The following SLC30A9 variants were observed in gnomAD, a reference collection of about 807,000 sequenced individuals.
SLC30A9 encodes proton-coupled zinc antiporter SLC30A9, mitochondrial.
In SLC30A9, 58 loss-of-function variants were observed where a neutral mutation model predicts 87.5. The observed-to-expected ratio is 0.66, with a 90% CI of 0.54 to 0.82. The LOEUF is 0.82. SLC30A9 is among the 40% of genes least tolerant of loss of function. The pLI, the probability that SLC30A9 is intolerant of heterozygous loss-of-function variation, is 0.00. For missense variants in SLC30A9, 557 were observed against 679.1 expected, an observed-to-expected ratio of 0.82 and a Z score of 2.00; for synonymous variants, 234 against 233.0, an observed-to-expected ratio of 1.00 and a Z score of -0.04.
Position 42,021,917 on chromosome 4 carries a change from A to ATTTTT in SLC30A9, c.435-896_435-892dup, listed in dbSNP as rs1180421350. On this transcript the variant is annotated intron_variant, in intron 4 of 17. Transcript: ENST00000264451. ...GGCTGTGCGCCACCACGCCTGGCTA[A>ATTTTT]TTTTTTTTTTTTTTTTTTTTTTTTT... Among the ~76,000 whole-genome samples the ATTTTT allele has an allele frequency of 3.8e-4, 15 of 39,940 alleles. 3 individuals carry two copies. Among genetic ancestry groups the ATTTTT allele is most frequent in the Non-Finnish European group, 5.1e-4 (9 of 17,552 alleles). 26.2% of individuals were successfully genotyped at this position (39,940 alleles called of 152,430 possible). A position where few individuals can be genotyped will look rare whatever the true frequency, so the allele number is the denominator to read the frequency against.
chr4:42,085,010 T>G (rs1407288648), intron 17 of SLC30A9, among the ~76,000 whole-genome samples: 1 of 152,250 alleles, frequency 6.6e-6, no homozygotes, highest in Non-Finnish European at 1.5e-5. Context: ...TGAAGTTCCT[T>G]AAGCTAGCAT....
chr4:41,996,120 G>A (rs1465630521), intron 1 of SLC30A9, among the ~76,000 whole-genome samples: 1 of 151,974 alleles, frequency 6.6e-6, no homozygotes, highest in African/African-American at 2.4e-5. Context: ...TTTTGAGATG[G>A]AGTTTTGCTC....
intron 8 of SLC30A9, among the ~76,000 whole-genome samples, chr4:42,046,187 C>G (rs1270617417): frequency 6.6e-6 from 1 of 152,176 alleles, no homozygotes; most frequent in African/African-American, 2.4e-5. Context: ...GACAAGGATG[C>G]TGTCTCTCAC....
chr4:41,992,174 CCT>C (rs1449897261), intron 1 of SLC30A9, among the ~76,000 whole-genome samples: 1 of 151,728 alleles, frequency 6.6e-6, no homozygotes, highest in Non-Finnish European at 1.5e-5. Flanking sequence ...GGCAAAACTG[CCT>C]CTCTACAAAA....
chr4:42,050,428 G>A (rs1367285004), intron 9 of SLC30A9, among the ~76,000 whole-genome samples: 1 of 152,146 alleles, frequency 6.6e-6, no homozygotes, highest in Non-Finnish European at 1.5e-5. Context: ...GCTTATCGAG[G>A]AAAGTTGAAA....
intron 16 of SLC30A9, 113 bp downstream of exon 16, chr4:42,075,899 T>G (rs890895399): frequency 3.0e-6 from 3 of 1,000,804 alleles, no homozygotes; most frequent in Non-Finnish European, 4.3e-6. Flanking sequence ...TCTCAACTTC[T>G]TAGGTTCCAA....
At chr4:42,016,115 G>A (rs1190081681) in intron 2 of SLC30A9, among the ~76,000 whole-genome samples, 1 of 152,076 alleles carries the variant, frequency 6.6e-6, no homozygotes, top group African/African-American at 2.4e-5. Context: ...ATAAGATGAA[G>A]ATAATAGTAT....
At chr4:42,030,503 G>A (rs945916871) in intron 6 of SLC30A9, among the ~76,000 whole-genome samples, 2 of 150,818 alleles carry the variant, frequency 1.3e-5, no homozygotes, top group African/African-American at 4.9e-5. Flanking sequence ...ATGTGTTATC[G>A]TATCTGTTTT....
chr4:42,053,729 T>C (rs886571381), intron 9 of SLC30A9, among the ~76,000 whole-genome samples: 3 of 110,016 alleles, frequency 2.7e-5, no homozygotes, highest in Admixed American at 9.5e-5. Context: ...AAAAAAGGAA[T>C]GTTATAGCAG....
Position 42,002,688 on chromosome 4 carries a change from T to C in SLC30A9, c.274+908T>C, listed in dbSNP as rs190595165. Among the ~76,000 whole-genome samples the C allele has an allele frequency of 6.6e-5, 10 of 152,284 alleles. No homozygotes were observed. In the East Asian group the frequency reaches 1.7e-3, roughly 26 times the overall value. ...ATCCAGTACCCCATTGATGGACACCTAGGTTGATTCTAAGTCTTTGCTATT... is the reference window on the plus strand; with the variant it reads ...ATCCAGTACCCCATTGATGGACACCCAGGTTGATTCTAAGTCTTTGCTATT... On this transcript the variant is annotated intron_variant, in intron 2 of 17. Transcript: ENST00000264451.
chr4:42,070,278 C>G (rs1375347417), intron 14 of SLC30A9: 1 of 344,984 alleles, frequency 2.9e-6, no homozygotes, highest in East Asian at 4.5e-5. Context: ...AGAAACTTCA[C>G]ATATGTAATG....
chr4:42,031,984 TA>T (rs1458884269), intron 6 of SLC30A9, among the ~76,000 whole-genome samples: 1 of 152,154 alleles, frequency 6.6e-6, no homozygotes, highest in African/African-American at 2.4e-5. Flanking sequence ...CTGCAGGCTG[TA>T]TAGAAAGCAT....
chr4:42,090,071 T>C lies in SLC30A9; in HGVS notation c.*3945T>C, dbSNP rs551928801. 1 of 152,350 alleles carries C rather than the reference T, an allele frequency of 6.6e-6. No homozygotes were observed. Among genetic ancestry groups the C allele is most frequent in the African/African-American group, 2.4e-5 (1 of 41,584 alleles). 9.4% of individuals were successfully genotyped at this position (152,350 alleles called of 1,614,324 possible). A position where few individuals can be genotyped will look rare whatever the true frequency, so the allele number is the denominator to read the frequency against. ...GGAACTACAGAAAACTGCATAGGCA[T>C]TTAGAATTTGTATTATCTTCTTAGA... On this transcript the variant is annotated 3_prime_UTR_variant, in exon 18 of 18. Transcript: ENST00000264451.
chr4:42,034,024 A>G (rs1374056754), intron 6 of SLC30A9, among the ~76,000 whole-genome samples: 3 of 150,234 alleles, frequency 2.0e-5, no homozygotes, highest in African/African-American at 4.9e-5. Flanking sequence ...GTGTTTTGCT[A>G]TTAAAACGAT....
chr4:42,038,911 C>A, intron 7 of SLC30A9, 75 bp from the exon 8 acceptor site: 1 of 882,012 alleles, frequency 1.1e-6, no homozygotes, highest in South Asian at 1.5e-5. Context: ...ATGTTCTGGT[C>A]TGTCAAAGCC....
Position 41,999,651 on chromosome 4 carries a change from A to T in SLC30A9, c.110-1965A>T, listed in dbSNP as rs528365883. On this transcript the variant is annotated intron_variant, in intron 1 of 17. Transcript: ENST00000264451. ...ACCAGGACAAAAATTCAGGACAAAC[A>T]ACCTGGCTTTTTCAACATAAAAATT... Among the ~76,000 whole-genome samples the T allele has an allele frequency of 2.0e-5, 3 of 152,258 alleles. No homozygotes were observed. In the East Asian group the frequency reaches 5.8e-4, roughly 29 times the overall value.
At chr4:41,995,504 C>T (rs923657272) in intron 1 of SLC30A9, among the ~76,000 whole-genome samples, 2 of 152,040 alleles carry the variant, frequency 1.3e-5, no homozygotes, top group Admixed American at 1.3e-4. Flanking sequence ...ATTTAAAGTG[C>T]CATAGAAGAG....
At chr4:41,995,638 C>T (rs957707846) in intron 1 of SLC30A9, among the ~76,000 whole-genome samples, 1 of 152,100 alleles carries the variant, frequency 6.6e-6, no homozygotes, top group Non-Finnish European at 1.5e-5. Flanking sequence ...AATGAGCAAG[C>T]CACGTGAAGG....
intron 4 of SLC30A9, 195 bp downstream of exon 4, chr4:42,020,710 T>C (rs1380003588): frequency 2.2e-6 from 1 of 445,920 alleles, no homozygotes; most frequent in Non-Finnish European, 3.9e-6. Flanking sequence ...GCCCCAGCAT[T>C]AGCAATTCTA....
Sources: allele counts gnomAD v4.1 joint callset (sites outside exome capture counted in the v4.1 genomes callset), GRCh38; gene constraint gnomAD v4.1.1; transcripts MANE v1.5; gene names NCBI Gene and HGNC (gene_info 2026-07-23, HGNC 2026-07-21).